BABAM2: variants seen among roughly 807,000 people sequenced by gnomAD.
The protein encoded by BABAM2 is BRISC and BRCA1-A complex member 2.
BABAM2 carries 31 observed loss-of-function variants against 54.7 expected under a neutral mutation model. The observed-to-expected ratio is 0.57, with a 90% CI of 0.43 to 0.77. The LOEUF is 0.77. BABAM2 is among the 30% of genes least tolerant of loss of function. BABAM2 has a pLI of 0.00. For missense variants in BABAM2, 364 were observed against 455.8 expected (o/e 0.80, Z 1.83); for synonymous variants, 167 against 162.9 (o/e 1.03, Z -0.19).
At chr2:28,115,182 A>AACACACACACAC (rs35506654) in intron 6 of BABAM2, among the ~76,000 whole-genome samples, 146 of 142,344 alleles carry the variant, frequency 1.0e-3, no homozygotes, top group African/African-American at 2.5e-3. Context: ...ATAACTTTAA[A>AACACACACACAC]ACACACACAC....
chr2:28,330,343 CAAGAGAAAGAAATA>C (rs1273484403), intron 11 of BABAM2, among the ~76,000 whole-genome samples: 1 of 152,058 alleles, frequency 6.6e-6, no homozygotes. Flanking sequence ...AGAAATAAGG[CAAGAGAAAGAAATA>C]AAGGGTATTC....
rs1670005983 is a variant in BABAM2, at chr2:28,131,070, ATTATTATTATTTTTTTT to A, written c.680+1693_680+1709del. ...AGAGTGTTTTATTATTATTATTATTATTATTATTATTTTTTTTTTTTTTTTTTTTGAGACGGAGTCTC... is the reference window on the plus strand; with the variant it reads ...AGAGTGTTTTATTATTATTATTATTATTTTTTTTTTTTGAGACGGAGTCTC... On this transcript the variant is annotated intron_variant, in intron 7 of 11. Coordinates refer to ENST00000379624, the MANE Select transcript of BABAM2 (RefSeq NM_199191.3). Among the ~76,000 whole-genome samples the A allele has an allele frequency of 5.8e-4, 4 of 6,954 alleles. 1 individual carries two copies. The highest frequency in any genetic ancestry group is 0.034 in the South Asian group (2 of 58). The allele number at this position is 6,954 out of a possible 152,430, so 4.6% of individuals were successfully genotyped here.
At chr2:28,240,246 G>A (rs189284782) in intron 8 of BABAM2, among the ~76,000 whole-genome samples, 4 of 151,592 alleles carry the variant, frequency 2.6e-5, no homozygotes, top group African/African-American at 7.3e-5. Context: ...TCAGGCTCCC[G>A]AGTAGCTAGG....
chr2:28,036,684 C>T (rs1676686251), intron 5 of BABAM2, among the ~76,000 whole-genome samples: 2 of 152,218 alleles, frequency 1.3e-5, no homozygotes, highest in Non-Finnish European at 2.9e-5. Flanking sequence ...ATCCTTGGAA[C>T]TGAGGCCATG....
At chr2:28,021,828 TC>T (rs1239630970) in intron 4 of BABAM2, among the ~76,000 whole-genome samples, 2 of 152,190 alleles carry the variant, frequency 1.3e-5, no homozygotes, top group African/African-American at 4.8e-5. Context: ...TGGTTCTAAG[TC>T]TCATTTCTTC....
intron 3 of BABAM2, among the ~76,000 whole-genome samples, chr2:27,982,978 T>C (rs1012426256): frequency 6.6e-6 from 1 of 152,024 alleles, no homozygotes; most frequent in Non-Finnish European, 1.5e-5. Flanking sequence ...TGTGAACAGA[T>C]GTGTGCAAAT....
intron 7 of BABAM2, among the ~76,000 whole-genome samples, chr2:28,179,365 G>C (rs1178885635): frequency 6.6e-6 from 1 of 152,146 alleles, no homozygotes; most frequent in Non-Finnish European, 1.5e-5. Flanking sequence ...GCCATCATCA[G>C]AGTGAAGGAC....
intron 6 of BABAM2, among the ~76,000 whole-genome samples, chr2:28,078,904 C>CT (rs1181696282): frequency 2.0e-5 from 3 of 152,132 alleles, no homozygotes; most frequent in African/African-American, 7.2e-5. Flanking sequence ...CTCCCTTCCT[C>CT]TGTCCTTCCA....
chr2:28,217,243 T>G (rs559296764), intron 7 of BABAM2, among the ~76,000 whole-genome samples: 3 of 152,212 alleles, frequency 2.0e-5, no homozygotes, highest in Non-Finnish European at 2.9e-5. Context: ...CATAGAGTGA[T>G]TGAATATCAT....
At chr2:27,943,626 G>A (rs923068649) in intron 3 of BABAM2, among the ~76,000 whole-genome samples, 2 of 152,212 alleles carry the variant, frequency 1.3e-5, no homozygotes, top group African/African-American at 4.8e-5. Context: ...GAGAGTAGGA[G>A]TTAACCATTT....
chr2:28,179,955 A>G (rs1399622861), intron 7 of BABAM2, among the ~76,000 whole-genome samples: 2 of 152,182 alleles, frequency 1.3e-5, no homozygotes, highest in Non-Finnish European at 2.9e-5. Context: ...CATTGATGAA[A>G]GAAATTGAAA....
chr2:28,142,681 C>T (rs1671164051), intron 7 of BABAM2, among the ~76,000 whole-genome samples: 1 of 152,102 alleles, frequency 6.6e-6, no homozygotes, highest in African/African-American at 2.4e-5. Context: ...GGTGATAACA[C>T]TTCCATGTTT....
At chr2:28,233,560 C>T (rs935456663) in intron 7 of BABAM2, among the ~76,000 whole-genome samples, 19 of 152,184 alleles carry the variant, frequency 1.2e-4, no homozygotes, top group African/African-American at 4.6e-4. Context: ...ACCCATGAGG[C>T]TGATATTTAT....
chr2:28,017,586 CAG>C (rs1050034273), intron 4 of BABAM2, among the ~76,000 whole-genome samples: 42 of 152,276 alleles, frequency 2.8e-4, no homozygotes, highest in African/African-American at 9.9e-4. Flanking sequence ...AGTATATCCA[CAG>C]AGTCGTGCAG....
chr2:27,978,744 A>G (rs778447810), intron 3 of BABAM2, among the ~76,000 whole-genome samples: 2 of 152,152 alleles, frequency 1.3e-5, no homozygotes, highest in Non-Finnish European at 2.9e-5. Context: ...TCACCTAGAT[A>G]GTGAGCAAAG....
intron 7 of BABAM2, among the ~76,000 whole-genome samples, chr2:28,149,651 C>T (rs888510030): frequency 6.6e-6 from 1 of 152,194 alleles, no homozygotes; most frequent in Non-Finnish European, 1.5e-5. Flanking sequence ...TATCACTCCA[C>T]ACGCCTGTAC....
chr2:28,033,394 G>A (rs1311130849), intron 5 of BABAM2, among the ~76,000 whole-genome samples: 2 of 152,086 alleles, frequency 1.3e-5, no homozygotes, highest in Non-Finnish European at 2.9e-5. Context: ...TACAGTTATA[G>A]AAGTTGAGAA....
intron 7 of BABAM2, among the ~76,000 whole-genome samples, chr2:28,206,282 A>G (rs1678831324): frequency 6.6e-6 from 1 of 152,184 alleles, no homozygotes; most frequent in Non-Finnish European, 1.5e-5. Context: ...TCAAAGATAA[A>G]TAGGTACCCT....
At chr2:28,092,046 A>C (rs184624049) in intron 6 of BABAM2, among the ~76,000 whole-genome samples, 1 of 152,172 alleles carries the variant, frequency 6.6e-6, no homozygotes, top group African/African-American at 2.4e-5. Flanking sequence ...ATTACAAACC[A>C]TTATACCTCG....
Sources: gnomAD v4.1 joint callset for allele counts (sites outside exome capture counted in the v4.1 genomes callset) on GRCh38, gnomAD v4.1.1 for gene constraint, MANE v1.5 for transcripts, NCBI Gene and HGNC (gene_info 2026-07-23, HGNC 2026-07-21) for gene names.